CASK: variants seen among roughly 807,000 people sequenced by gnomAD.
The protein encoded by CASK is peripheral plasma membrane protein CASK.
In CASK, 4 loss-of-function variants were observed where a neutral mutation model predicts 82.9. The ratio of observed to expected loss-of-function variants is 0.05; its 90% confidence interval spans 0.02 to 0.11. The LOEUF is 0.11. Ranked by LOEUF, CASK falls within the 10% of genes least tolerant of loss-of-function variation. The probability of loss-of-function intolerance (pLI) is 1.00; values close to 1 mark genes in which losing one functional copy is unlikely to be tolerated. For synonymous variants in CASK, 259 were observed against 253.5 expected, an observed-to-expected ratio of 1.02 and a Z score of -0.20; for missense variants, 358 against 720.9, an observed-to-expected ratio of 0.50 and a Z score of 5.76.
At chrX:41,872,632 A>G (rs976980530) in intron 1 of CASK, among the ~76,000 whole-genome samples, 1 of 112,140 alleles carries the variant, frequency 8.9e-6, no homozygotes, top group African/African-American at 3.2e-5. Context: ...CAGTTCCCCT[A>G]TTACTAACAT....
chrX:41,642,722 A>G (rs1444718223), intron 8 of CASK, among the ~76,000 whole-genome samples: 3 of 111,610 alleles, frequency 2.7e-5, no homozygotes, highest in Non-Finnish European at 3.8e-5. Context: ...ACAGTAGTTT[A>G]TTTTGCTGTG....
chrX:41,885,046 C>T (rs574659487), intron 1 of CASK, among the ~76,000 whole-genome samples: 1 of 112,095 alleles, frequency 8.9e-6, no homozygotes, highest in Non-Finnish European at 1.9e-5. Context: ...TAGAAACTCA[C>T]GTTAGACAGA....
chrX:41,547,758 G>T (rs1263014897), intron 21 of CASK, among the ~76,000 whole-genome samples: 2 of 110,052 alleles, frequency 1.8e-5, no homozygotes, highest in African/African-American at 6.6e-5. Flanking sequence ...AAGTAGCTGG[G>T]ACTACAGGCG....
intron 3 of CASK, among the ~76,000 whole-genome samples, chrX:41,755,771 G>GT (rs2068882846): frequency 8.9e-6 from 1 of 112,074 alleles, no homozygotes; most frequent in Admixed American, 9.5e-5. Context: ...CAAAATCATT[G>GT]TAAGTTATAT....
At chrX:41,803,912 G>T (rs1313896094) in intron 2 of CASK, among the ~76,000 whole-genome samples, 3 of 111,711 alleles carry the variant, frequency 2.7e-5, no homozygotes, top group Non-Finnish European at 5.6e-5. Context: ...AACAAATTAG[G>T]AGAGACACTG....
intron 2 of CASK, among the ~76,000 whole-genome samples, chrX:41,798,694 G>A (rs1322857591): frequency 8.9e-6 from 1 of 112,377 alleles, no homozygotes; most frequent in Non-Finnish European, 1.9e-5. Flanking sequence ...AATCAGCTGG[G>A]TGTGGTAGCA....
chrX:41,656,848 C>T (rs1035682735), intron 8 of CASK, among the ~76,000 whole-genome samples: 2 of 111,287 alleles, frequency 1.8e-5, no homozygotes, highest in Admixed American at 9.6e-5. Flanking sequence ...CTCCCCCTGC[C>T]CCTCCCTATG....
At chrX:41,839,108 T>C (rs962944431) in intron 2 of CASK, among the ~76,000 whole-genome samples, 6 of 111,852 alleles carry the variant, frequency 5.4e-5, no homozygotes, top group Non-Finnish European at 7.5e-5. Flanking sequence ...TCATAGTTTT[T>C]CAAAATTGTT....
intron 2 of CASK, among the ~76,000 whole-genome samples, chrX:41,800,455 G>A (rs1012939945): frequency 9.0e-6 from 1 of 110,631 alleles, no homozygotes; most frequent in African/African-American, 3.3e-5. Context: ...CCTGACAAGG[G>A]ACTCAATGTT....
intron 15 of CASK, among the ~76,000 whole-genome samples, chrX:41,576,618 T>A (rs767180317): frequency 2.7e-5 from 3 of 112,097 alleles, no homozygotes; most frequent in Non-Finnish European, 5.6e-5. Flanking sequence ...GATTTGCACT[T>A]AGTAGGGACT....
At chrX:41,801,657 T>C (rs778220489) in intron 2 of CASK, among the ~76,000 whole-genome samples, 1 of 111,632 alleles carries the variant, frequency 9.0e-6, no homozygotes, top group South Asian at 3.8e-4. Flanking sequence ...CAGGGTTGCA[T>C]GGTGGAGCAG....
intron 1 of CASK, among the ~76,000 whole-genome samples, chrX:41,862,324 T>C (rs2071505464): frequency 9.1e-6 from 1 of 110,217 alleles, no homozygotes; most frequent in Non-Finnish European, 1.9e-5. Flanking sequence ...GCAGATTACT[T>C]GAGGCCAGGA....
At chrX:41,768,832 CAAAA>C (rs2069161591) in intron 3 of CASK, among the ~76,000 whole-genome samples, 1 of 110,849 alleles carries the variant, frequency 9.0e-6, no homozygotes, top group African/African-American at 3.3e-5. Flanking sequence ...AACAAACAAA[CAAAA>C]AAGAATTCTT....
At chrX:41,914,040 G>A (rs2072628947) in intron 1 of CASK, among the ~76,000 whole-genome samples, 1 of 112,207 alleles carries the variant, frequency 8.9e-6, no homozygotes, top group Non-Finnish European at 1.9e-5. Context: ...AAGGACTAGA[G>A]AGAGAGACCT....
At chrX:41,615,691 G>A (rs1248679592) in intron 11 of CASK, among the ~76,000 whole-genome samples, 1 of 108,560 alleles carries the variant, frequency 9.2e-6, no homozygotes, top group Non-Finnish European at 1.9e-5. Flanking sequence ...GGAGTACAAC[G>A]GCATGATCTC....
chrX:41,602,708 A>C (rs2065909085), intron 12 of CASK, among the ~76,000 whole-genome samples: 1 of 100,474 alleles, frequency 1.0e-5, no homozygotes, highest in Admixed American at 1.1e-4. Context: ...AAAGAACCAT[A>C]TGCTTAGCGG....
chrX:41,642,368 T>TA (rs777303535), intron 8 of CASK, among the ~76,000 whole-genome samples: 1 of 112,216 alleles, frequency 8.9e-6, no homozygotes, highest in South Asian at 3.7e-4. Flanking sequence ...ACCAACAGTG[T>TA]AAAAGTTTTC....
chrX:41,572,242 A>T (rs2065422744), intron 15 of CASK, among the ~76,000 whole-genome samples: 1 of 109,326 alleles, frequency 9.1e-6, no homozygotes, highest in Non-Finnish European at 1.9e-5. Flanking sequence ...GCACCACCAA[A>T]CCTGGCTTCT....
At chrX:41,777,879 G>A (rs910550740) in intron 3 of CASK, among the ~76,000 whole-genome samples, 5 of 111,727 alleles carry the variant, frequency 4.5e-5, no homozygotes, top group African/African-American at 1.6e-4. Flanking sequence ...AATGTATTCT[G>A]AGGAAACAAA....
Sources: allele counts gnomAD v4.1 joint callset (sites outside exome capture counted in the v4.1 genomes callset), GRCh38; gene constraint gnomAD v4.1.1; transcripts MANE v1.5; gene names NCBI Gene and HGNC (gene_info 2026-07-23, HGNC 2026-07-21).